KIF26B: variants seen among roughly 807,000 people sequenced by gnomAD.
The protein encoded by KIF26B is kinesin family member 26B, also known as kinesin-like protein KIF26B.
A neutral mutation model predicts 151.2 loss-of-function variants in KIF26B; 63 were observed. The observed-to-expected ratio is 0.42, with a 90% CI of 0.34 to 0.51. The LOEUF (loss-of-function observed/expected upper bound fraction) is 0.51. KIF26B is among the 20% of genes least tolerant of loss of function. The pLI, the probability that KIF26B is intolerant of heterozygous loss-of-function variation, is 0.07. For synonymous variants in KIF26B, 1,357 were observed against 1,262.1 expected, an observed-to-expected ratio of 1.08 and a Z score of -1.59; for missense variants, 2,813 against 2,913.6, an observed-to-expected ratio of 0.97 and a Z score of 0.79.
At chr1:245,614,421 C>T (rs1479556405) in intron 9 of KIF26B, among the ~76,000 whole-genome samples, 1 of 152,228 alleles carries the variant, frequency 6.6e-6, no homozygotes, top group Non-Finnish European at 1.5e-5. Context: ...GATCCACCCG[C>T]CTCAGCCTCC....
chr1:245,624,233 G>T (rs74439846), intron 9 of KIF26B, among the ~76,000 whole-genome samples: 4,331 of 151,458 alleles, frequency 0.029, 147 homozygotes, highest in Admixed American at 0.096. Flanking sequence ...TTTCCTTTGG[G>T]GTAAAAACCT....
chr1:245,230,168 C>T, intron 2 of KIF26B, among the ~76,000 whole-genome samples: 1 of 141,102 alleles, frequency 7.1e-6, no homozygotes. Flanking sequence ...AAAAAAAAAA[C>T]AACAACACTC....
In KIF26B at chr1:245,578,857, C is replaced by G. The variant is rs1462752370; in HGVS notation, c.1351-23720C>G. Among the ~76,000 whole-genome samples, 3 of 152,228 alleles carry G rather than the reference C, an allele frequency of 2.0e-5. No homozygotes were observed. The East Asian group carries it at 5.8e-4, about 29-fold the overall frequency. ...CAAAGCAGCAACTTCATTCAACTCT[C>G]TGGGTCTTTGTCTTAGTGATGCCAG... On this transcript the variant is annotated intron_variant, in intron 5 of 14. Coordinates refer to ENST00000407071, the MANE Select transcript of KIF26B (RefSeq NM_018012.4).
chr1:245,311,759 C>T (rs1027704976), intron 2 of KIF26B, among the ~76,000 whole-genome samples: 68 of 151,996 alleles, frequency 4.5e-4, no homozygotes, highest in Non-Finnish European at 4.4e-5. Flanking sequence ...ATGGGGAAAC[C>T]CTGTCTCTAC....
intron 5 of KIF26B, among the ~76,000 whole-genome samples, chr1:245,541,266 G>A (rs144665616): frequency 2.6e-5 from 4 of 152,320 alleles, no homozygotes; most frequent in East Asian, 1.9e-4. Flanking sequence ...GCAGGAGACC[G>A]AGGGAGGCCA....
chr1:245,485,306 T>C (rs1660255607), intron 4 of KIF26B, among the ~76,000 whole-genome samples: 1 of 152,138 alleles, frequency 6.6e-6, no homozygotes, highest in African/African-American at 2.4e-5. Flanking sequence ...TGCAAGACAT[T>C]GTGAATGCAC....
intron 2 of KIF26B, among the ~76,000 whole-genome samples, chr1:245,345,919 T>TTTTC (rs1275887152): frequency 4.8e-5 from 7 of 147,012 alleles, no homozygotes; most frequent in Middle Eastern, 3.5e-3. Context: ...AGGTATTTCT[T>TTTTC]TTTCTTTCTT....
intron 2 of KIF26B, among the ~76,000 whole-genome samples, chr1:245,280,503 C>A (rs1671022306): frequency 7.7e-6 from 1 of 130,340 alleles, no homozygotes. Flanking sequence ...TGCACTCCAG[C>A]CTGGGCAACA....
At chr1:245,499,879 G>A (rs533392024) in intron 4 of KIF26B, among the ~76,000 whole-genome samples, 1 of 152,326 alleles carries the variant, frequency 6.6e-6, no homozygotes, top group South Asian at 2.1e-4. Flanking sequence ...GGTACACAGT[G>A]GGGAATGTAT....
At chr1:245,639,405 C>CA (rs1436035989) in intron 9 of KIF26B, among the ~76,000 whole-genome samples, 1 of 151,388 alleles carries the variant, frequency 6.6e-6, no homozygotes, top group African/African-American at 2.4e-5. Context: ...TGTTGCTTTT[C>CA]AAAAAAACAA....
chr1:245,470,233 C>A (rs970078784), intron 4 of KIF26B, among the ~76,000 whole-genome samples: 1 of 151,702 alleles, frequency 6.6e-6, no homozygotes, highest in African/African-American at 2.4e-5. Context: ...GTGCCAGGGG[C>A]CTGGTAGTGC....
chr1:245,163,482 TG>T (rs1464457811), intron 2 of KIF26B, among the ~76,000 whole-genome samples: 2 of 152,214 alleles, frequency 1.3e-5, no homozygotes, highest in Non-Finnish European at 2.9e-5. Flanking sequence ...CATGTTTTCA[TG>T]TTTGGCAGGG....
chr1:245,297,507 A>T (rs1246407915), intron 2 of KIF26B, among the ~76,000 whole-genome samples: 1 of 152,190 alleles, frequency 6.6e-6, no homozygotes, highest in African/African-American at 2.4e-5. Flanking sequence ...CTACTGCCAT[A>T]CACTGTCTTT....
At chr1:245,403,116 G>GACA (rs1674046734) in intron 3 of KIF26B, among the ~76,000 whole-genome samples, 1 of 151,624 alleles carries the variant, frequency 6.6e-6, no homozygotes, top group African/African-American at 2.4e-5. Flanking sequence ...CTACAGGTGT[G>GACA]CACCACCATG....
intron 4 of KIF26B, among the ~76,000 whole-genome samples, chr1:245,436,311 T>C (rs1449070744): frequency 6.6e-6 from 1 of 152,224 alleles, no homozygotes; most frequent in Non-Finnish European, 1.5e-5. Context: ...CTCTGCTACC[T>C]GGGCTTGCTT....
intron 9 of KIF26B, among the ~76,000 whole-genome samples, chr1:245,638,589 A>G (rs2043857415): frequency 6.6e-6 from 1 of 151,780 alleles, no homozygotes; most frequent in Non-Finnish European, 1.5e-5. Context: ...AAGGTTTTCT[A>G]TTTTAACCTA....
At chr1:245,337,555 T>C (rs375870223) in intron 2 of KIF26B, among the ~76,000 whole-genome samples, 45 of 143,260 alleles carry the variant, frequency 3.1e-4, no homozygotes, top group South Asian at 2.1e-3. Context: ...TGTGTGTGTG[T>C]GCACCCGTGT....
intron 5 of KIF26B, among the ~76,000 whole-genome samples, chr1:245,562,136 A>T (rs1436588029): frequency 6.6e-6 from 1 of 152,018 alleles, no homozygotes; most frequent in Non-Finnish European, 1.5e-5. Flanking sequence ...GACTTAAAGC[A>T]CTTCTCAGCT....
intron 3 of KIF26B, among the ~76,000 whole-genome samples, chr1:245,396,544 G>C (rs188680538): frequency 3.0e-3 from 463 of 151,990 alleles, no homozygotes; most frequent in African/African-American, 0.011. Flanking sequence ...GCTGAGGCAG[G>C]AGAATCGCTT....
Sources: gnomAD v4.1 joint callset for allele counts (sites outside exome capture counted in the v4.1 genomes callset) on GRCh38, gnomAD v4.1.1 for gene constraint, MANE v1.5 for transcripts, NCBI Gene and HGNC (gene_info 2026-07-23, HGNC 2026-07-21) for gene names.